Variants in PTPRN2 observed in about 807,000 individuals in gnomAD.
PTPRN2 encodes the protein protein tyrosine phosphatase receptor type N2, also known as receptor-type tyrosine-protein phosphatase N2.
A neutral mutation model predicts 118.8 loss-of-function variants in PTPRN2; 74 were observed. The observed-to-expected ratio is 0.62, with a 90% CI of 0.52 to 0.76. The LOEUF is 0.76. PTPRN2 is among the 30% of genes least tolerant of loss of function. PTPRN2 has a pLI of 0.00. For missense variants in PTPRN2, 1,481 were observed against 1,394.4 expected (o/e 1.06, Z -0.99); for synonymous variants, 641 against 608.0 (o/e 1.05, Z -0.80).
At chr7:158,211,008 T>C (rs953833082) in intron 3 of PTPRN2, among the ~76,000 whole-genome samples, 2 of 152,116 alleles carry the variant, frequency 1.3e-5, no homozygotes, top group African/African-American at 4.8e-5. Context: ...AAAATAAAAC[T>C]TCACGCCAAT....
rs111383720 is a variant in PTPRN2 at position 157,826,592 on chromosome 7, T to C, written c.1788+72081A>G. ...AGCACGAACACGATCGTCACAATCGTGAGCGCCATTTCCACGCGTGCTGTG... is the reference window on the plus strand; with the variant it reads ...AGCACGAACACGATCGTCACAATCGCGAGCGCCATTTCCACGCGTGCTGTG... On this transcript the variant is annotated intron_variant, in intron 12 of 22. Coordinates refer to ENST00000389418, the MANE Select transcript of PTPRN2 (RefSeq NM_002847.5). Among the ~76,000 whole-genome samples, 333 of 117,364 alleles carry C rather than the reference T, an allele frequency of 2.8e-3. 1 individual carries two copies. The highest frequency in any genetic ancestry group is 0.028 in the Middle Eastern group (4 of 144). 77.0% of individuals were successfully genotyped at this position (117,364 alleles called of 152,430 possible).
At chr7:158,326,576 ACG>A (rs1173070077) in intron 2 of PTPRN2, among the ~76,000 whole-genome samples, 6 of 152,290 alleles carry the variant, frequency 3.9e-5, no homozygotes, top group South Asian at 2.1e-4. Flanking sequence ...TCTCACATAC[ACG>A]TCCTCACACA....
At chr7:158,256,899 T>C (rs1351395920) in intron 3 of PTPRN2, among the ~76,000 whole-genome samples, 1 of 152,088 alleles carries the variant, frequency 6.6e-6, no homozygotes, top group Non-Finnish European at 1.5e-5. Flanking sequence ...AAAAGAAACA[T>C]GGATGTGAGT....
At chr7:158,381,649 A>G (rs941815938) in intron 2 of PTPRN2, among the ~76,000 whole-genome samples, 28 of 152,024 alleles carry the variant, frequency 1.8e-4, no homozygotes, top group African/African-American at 6.8e-4. Flanking sequence ...TTGCTTCCAC[A>G]TTTTTGGTTA....
At chr7:157,995,872 CGTAA>C (rs1804686652) in intron 11 of PTPRN2, among the ~76,000 whole-genome samples, 1 of 152,206 alleles carries the variant, frequency 6.6e-6, no homozygotes. Context: ...ATGAAATCGA[CGTAA>C]GTGTCCATCA....
chr7:158,328,892 C>T (rs1209648372), intron 2 of PTPRN2, among the ~76,000 whole-genome samples: 1 of 150,216 alleles, frequency 6.7e-6, no homozygotes, highest in Non-Finnish European at 1.5e-5. Flanking sequence ...CTGTTCCTCT[C>T]GCCACCCAGG....
At chr7:158,314,246 C>T (rs967385527) in intron 3 of PTPRN2, among the ~76,000 whole-genome samples, 1 of 152,214 alleles carries the variant, frequency 6.6e-6, no homozygotes. Flanking sequence ...GGCCTCCACT[C>T]GCACGTCCAG....
intron 11 of PTPRN2, among the ~76,000 whole-genome samples, chr7:158,055,918 C>G (rs1281416854): frequency 6.6e-6 from 1 of 152,280 alleles, no homozygotes; most frequent in East Asian, 1.9e-4. Flanking sequence ...CGTCTCCACA[C>G]ACGGGGAGAA....
intron 6 of PTPRN2, among the ~76,000 whole-genome samples, chr7:158,152,191 A>AAAT (rs1554561530): frequency 2.8e-5 from 4 of 145,152 alleles, no homozygotes; most frequent in Admixed American, 6.9e-5. Context: ...AAAAAAAAAA[A>AAAT]CCATGAATGC....
chr7:158,251,600 A>G (rs921534327), intron 3 of PTPRN2, among the ~76,000 whole-genome samples: 1 of 149,586 alleles, frequency 6.7e-6, no homozygotes, highest in East Asian at 2.0e-4. Flanking sequence ...TCTATGGTGC[A>G]TGTGGGGCGT....
At chr7:157,936,956 T>C (rs1325167326) in intron 11 of PTPRN2, among the ~76,000 whole-genome samples, 3 of 152,254 alleles carry the variant, frequency 2.0e-5, no homozygotes, top group Non-Finnish European at 2.9e-5. Context: ...CTGTAAAAAG[T>C]ATTCTTTCTG....
chr7:157,661,179 C>T (rs1795865984), intron 13 of PTPRN2, among the ~76,000 whole-genome samples: 1 of 152,272 alleles, frequency 6.6e-6, no homozygotes, highest in African/African-American at 2.4e-5. Context: ...CAGCGGGGAC[C>T]CGCGGCTCTC....
At chr7:158,292,091 G>A (rs73746468) in intron 3 of PTPRN2, among the ~76,000 whole-genome samples, 353 of 152,274 alleles carry the variant, frequency 2.3e-3, no homozygotes, top group African/African-American at 6.7e-3. Flanking sequence ...CATACAGCCC[G>A]CAAATGGATC....
At chr7:157,899,554 T>C (rs1015132753) in intron 11 of PTPRN2, among the ~76,000 whole-genome samples, 1 of 152,194 alleles carries the variant, frequency 6.6e-6, no homozygotes, top group African/African-American at 2.4e-5. Flanking sequence ...GCAAACCCTA[T>C]GAATGAAGAG....
Position 157,659,965 on chromosome 7 carries a change from G to A in PTPRN2, c.2002-3414C>T, listed in dbSNP as rs143332509. Among the ~76,000 whole-genome samples, 786 of 152,104 alleles carry A rather than the reference G, an allele frequency of 5.2e-3. 10 individuals carry two copies. The highest frequency in any genetic ancestry group is 0.017 in the African/African-American group (705 of 41,480). On this transcript the variant is annotated intron_variant, in intron 13 of 22. Transcript: ENST00000389418. ...TCACCATATTGGCCAGGCTGGTCTC[G>A]AACTCCTGACCTGAGGTGATCCACC...
chr7:157,836,311 T>A (rs1285484393), intron 12 of PTPRN2, among the ~76,000 whole-genome samples: 1 of 152,218 alleles, frequency 6.6e-6, no homozygotes, highest in Non-Finnish European at 1.5e-5. Flanking sequence ...GAGATATTAG[T>A]TCAACTGGAT....
At chr7:157,744,900 G>A (rs1446517388) in intron 12 of PTPRN2, among the ~76,000 whole-genome samples, 1 of 152,174 alleles carries the variant, frequency 6.6e-6, no homozygotes, top group Non-Finnish European at 1.5e-5. Flanking sequence ...CACTTCAGCC[G>A]CACCCCAGTC....
chr7:158,314,921 C>G (rs1448863524), intron 3 of PTPRN2, among the ~76,000 whole-genome samples: 11 of 139,306 alleles, frequency 7.9e-5, no homozygotes, highest in East Asian at 4.3e-4. Context: ...GGGACGCCCT[C>G]AAGGACAGAG....
chr7:158,085,290 C>T (rs1190631259), intron 10 of PTPRN2, among the ~76,000 whole-genome samples: 1 of 130,442 alleles, frequency 7.7e-6, no homozygotes. Context: ...CCATCCACAC[C>T]CACGACGCCC....
Sources: allele counts gnomAD v4.1 joint callset (sites outside exome capture counted in the v4.1 genomes callset), GRCh38; gene constraint gnomAD v4.1.1; transcripts MANE v1.5; gene names NCBI Gene and HGNC (gene_info 2026-07-23, HGNC 2026-07-21).